Variants in CTNNA3 observed in about 807,000 individuals in gnomAD.
CTNNA3 encodes catenin alpha-3.
CTNNA3 carries 76 observed loss-of-function variants against 95.7 expected under a neutral mutation model. The observed-to-expected ratio is 0.79, with a 90% CI of 0.66 to 0.96. CTNNA3 has a LOEUF of 0.96. Among genes scored for constraint, CTNNA3 ranks in the 40% least tolerant of loss-of-function variants. The probability of loss-of-function intolerance (pLI) is 0.00; values close to 1 mark genes in which losing one functional copy is unlikely to be tolerated. For missense variants in CTNNA3, 1,191 were observed against 1,089.8 expected, an observed-to-expected ratio of 1.09 and a Z score of -1.31; for synonymous variants, 431 against 374.4, an observed-to-expected ratio of 1.15 and a Z score of -1.74.
At chr10:66,652,993 A>G (rs1376621150) in intron 9 of CTNNA3, among the ~76,000 whole-genome samples, 1 of 152,198 alleles carries the variant, frequency 6.6e-6, no homozygotes. Flanking sequence ...ACCTTAACAC[A>G]GTAAATTCCA....
intron 10 of CTNNA3, among the ~76,000 whole-genome samples, chr10:66,572,361 T>C (rs758205969): frequency 3.4e-5 from 5 of 147,860 alleles, no homozygotes; most frequent in Non-Finnish European, 7.5e-5. Context: ...CCAGCCTGGT[T>C]GACAGAGGAG....
At chr10:67,327,050 G>A (rs1841567152) in intron 5 of CTNNA3, among the ~76,000 whole-genome samples, 2 of 152,054 alleles carry the variant, frequency 1.3e-5, no homozygotes, top group African/African-American at 2.4e-5. Context: ...TGAAACTCTT[G>A]TAGTGTGTTT....
At chr10:66,815,430 C>T (rs926275669) in intron 7 of CTNNA3, among the ~76,000 whole-genome samples, 2 of 152,116 alleles carry the variant, frequency 1.3e-5, no homozygotes, top group African/African-American at 4.8e-5. Flanking sequence ...CTAAAGTTCC[C>T]TCAAAGCCCC....
chr10:66,497,562 G>A (rs1911342), intron 11 of CTNNA3, among the ~76,000 whole-genome samples: 33,261 of 151,784 alleles, frequency 0.22, 6,804 homozygotes, highest in East Asian at 0.84. Context: ...TGAGATAACT[G>A]TAGTGGAAAG....
intron 5 of CTNNA3, among the ~76,000 whole-genome samples, chr10:67,256,049 A>T (rs7350385): frequency 2.6e-5 from 4 of 151,686 alleles, no homozygotes; most frequent in African/African-American, 7.3e-5. Flanking sequence ...CAAAAAAAAA[A>T]GGATTTCTCT....
At chr10:67,421,656 T>G (rs1176992404) in intron 5 of CTNNA3, among the ~76,000 whole-genome samples, 1 of 152,234 alleles carries the variant, frequency 6.6e-6, no homozygotes, top group Non-Finnish European at 1.5e-5. Context: ...TGATTTCTTC[T>G]TAGATTTCTT....
intron 9 of CTNNA3, among the ~76,000 whole-genome samples, chr10:66,744,858 G>A (rs1415884630): frequency 6.6e-6 from 1 of 152,052 alleles, no homozygotes; most frequent in African/African-American, 2.4e-5. Flanking sequence ...GGAGTTCTAG[G>A]GTTTTTATGT....
chr10:67,008,074 TTTC>T (rs1217869286), intron 7 of CTNNA3, among the ~76,000 whole-genome samples: 1 of 151,956 alleles, frequency 6.6e-6, no homozygotes. Context: ...ATGTTTCTTT[TTTC>T]TTGTTTTTTT....
intron 10 of CTNNA3, among the ~76,000 whole-genome samples, chr10:66,586,220 C>A (rs920911959): frequency 1.3e-5 from 2 of 152,028 alleles, no homozygotes; most frequent in Non-Finnish European, 2.9e-5. Flanking sequence ...TTTTATTCAA[C>A]GGGTTGAGTA....
chr10:66,645,860 G>C (rs973459958), intron 9 of CTNNA3, among the ~76,000 whole-genome samples: 2 of 152,094 alleles, frequency 1.3e-5, no homozygotes, highest in African/African-American at 4.8e-5. Context: ...CATGAAACTG[G>C]TCCCTGGTCC....
Position 65,966,595 on chromosome 10 carries a change from T to G in CTNNA3, c.2400+17A>C. The G allele has an allele frequency of 1.2e-6, 2 of 1,610,542 alleles. No homozygotes were observed. The highest frequency in any genetic ancestry group is 1.7e-6 in the Non-Finnish European group (2 of 1,177,572). ...CATCTTCCACCTGTGATCATGTAAGTGCTAGGCAGTACTCACAGCTGACAT... is the reference window on the plus strand; with the variant it reads ...CATCTTCCACCTGTGATCATGTAAGGGCTAGGCAGTACTCACAGCTGACAT... On this transcript the variant is annotated intron_variant, in intron 17 of 17. Coordinates refer to ENST00000433211, the MANE Select transcript of CTNNA3 (RefSeq NM_013266.4).
intron 10 of CTNNA3, among the ~76,000 whole-genome samples, chr10:66,579,186 G>GT (rs1843105350): frequency 6.6e-6 from 1 of 151,524 alleles, no homozygotes; most frequent in Non-Finnish European, 1.5e-5. Flanking sequence ...GTAAAGTCAC[G>GT]TTTTTCATTT....
intron 11 of CTNNA3, among the ~76,000 whole-genome samples, chr10:66,418,989 C>G (rs951138141): frequency 3.3e-5 from 5 of 151,996 alleles, no homozygotes; most frequent in Non-Finnish European, 5.9e-5. Context: ...GTACTTCCAC[C>G]ATTCCTAATC....
intron 7 of CTNNA3, among the ~76,000 whole-genome samples, chr10:66,995,214 A>C (rs1454959938): frequency 6.6e-6 from 1 of 152,184 alleles, no homozygotes; most frequent in Non-Finnish European, 1.5e-5. Flanking sequence ...TCTCTCCGTG[A>C]ATAGAACCAC....
chr10:66,538,664 G>C (rs963628173), intron 10 of CTNNA3, among the ~76,000 whole-genome samples: 2 of 152,118 alleles, frequency 1.3e-5, no homozygotes, highest in Non-Finnish European at 2.9e-5. Context: ...ACTTACATAT[G>C]CTGTTAGATA....
intron 7 of CTNNA3, among the ~76,000 whole-genome samples, chr10:66,815,975 T>A (rs1434665658): frequency 6.6e-6 from 1 of 152,200 alleles, no homozygotes; most frequent in Non-Finnish European, 1.5e-5. Flanking sequence ...TATTTTTGTT[T>A]GTAACTAATT....
intron 7 of CTNNA3, among the ~76,000 whole-genome samples, chr10:66,861,877 T>C (rs1360973977): frequency 2.6e-5 from 4 of 152,210 alleles, no homozygotes; most frequent in Admixed American, 2.0e-4. Context: ...CACATTCATT[T>C]CAATGTTTAA....
chr10:67,138,285 C>A (rs1408339701), intron 7 of CTNNA3, among the ~76,000 whole-genome samples: 1 of 152,122 alleles, frequency 6.6e-6, no homozygotes, highest in Non-Finnish European at 1.5e-5. Flanking sequence ...CAGTGGACCC[C>A]TTCAGGTAGT....
chr10:66,066,540 T>C (rs1293254612), intron 15 of CTNNA3, among the ~76,000 whole-genome samples: 1 of 152,118 alleles, frequency 6.6e-6, no homozygotes, highest in Non-Finnish European at 1.5e-5. Flanking sequence ...ACTTTCTATA[T>C]GAAGAGGAAT....
Sources: gnomAD v4.1 joint callset for allele counts (sites outside exome capture counted in the v4.1 genomes callset) on GRCh38, gnomAD v4.1.1 for gene constraint, MANE v1.5 for transcripts, NCBI Gene and HGNC (gene_info 2026-07-23, HGNC 2026-07-21) for gene names.